The following ZNF488 variants were observed in gnomAD, a reference collection of about 807,000 sequenced individuals.
The protein encoded by ZNF488 is zinc finger protein 488.
A neutral mutation model predicts 1.2 loss-of-function variants in ZNF488; 1 was observed. That is an observed-to-expected ratio of 0.86 (90% CI 0.30 to 4.07). The LOEUF (loss-of-function observed/expected upper bound fraction) is 4.07. Ranked by LOEUF, ZNF488 falls within the 30% of genes most tolerant of loss-of-function variation. The pLI is 0.18. For missense variants in ZNF488, 450 were observed against 437.9 expected (o/e 1.03, Z -0.25); for synonymous variants, 185 against 190.1 (o/e 0.97, Z 0.22).
intron 1 of ZNF488, among the ~76,000 whole-genome samples, chr10:47,370,340 A>G (rs1164417720): frequency 2.0e-5 from 3 of 152,242 alleles, no homozygotes; most frequent in Non-Finnish European, 4.4e-5. Context: ...AGGGCGTCCA[A>G]CCTATTCCCA....
At chr10:47,381,205 C>T (rs1417468770) in intron 1 of ZNF488, among the ~76,000 whole-genome samples, 3 of 152,296 alleles carry the variant, frequency 2.0e-5, no homozygotes, top group Non-Finnish European at 4.4e-5. Context: ...GGTCAGGCAC[C>T]AGATCTTATT....
At chr10:47,381,242 TCC>T (rs1555215342) in intron 1 of ZNF488, among the ~76,000 whole-genome samples, 1 of 151,060 alleles carries the variant, frequency 6.6e-6, no homozygotes, top group Non-Finnish European at 1.5e-5. Context: ...CCCCACCCGC[TCC>T]CCCCAAGCAG....
chr10:47,365,597 A>G lies in ZNF488; in HGVS notation c.*2210T>C, dbSNP rs782552480. On this transcript the variant is annotated 3_prime_UTR_variant, in exon 2 of 2. Transcript: ENST00000585316. ...ACCAATCTCTGTTCCCAAGGAGCTG[A>G]CAGTGTGGAGGCAGCAAATCAACAA... The G allele has an allele frequency of 3.6e-5, 6 of 167,206 alleles. No individual in the cohort carries two copies. The highest frequency in any genetic ancestry group is 5.9e-5 in the Non-Finnish European group (4 of 68,172). The allele number at this position is 167,206 out of a possible 1,614,324, so 10.4% of individuals were successfully genotyped here. A position where few individuals can be genotyped will look rare whatever the true frequency, so the allele number is the denominator to read the frequency against.
Position 47,368,641 on chromosome 10 carries a change from G to A in ZNF488, c.189C>T (p.Gly63=), listed in dbSNP as rs781968462. Residue 63 remains glycine (G), a synonymous_variant, in exon 2 of 2, where the codon GGC becomes GGT. Coordinates refer to ENST00000585316, the MANE Select transcript of ZNF488 (RefSeq NM_153034.4). ...CACTGCCCACATCCCGGCCCGCCCT[G>A]CCCACAGCAGCCTCAGGGCCCAGGC... ...TNRLGPEAAV[G]RAGRDVGSAE... The A allele has an allele frequency of 1.2e-6, 2 of 1,610,926 alleles. No homozygotes were observed. The highest frequency in any genetic ancestry group is 1.7e-6 in the Non-Finnish European group (2 of 1,179,838).
At chr10:47,381,634 G>A (rs374918594) in intron 1 of ZNF488, among the ~76,000 whole-genome samples, 1 of 151,006 alleles carries the variant, frequency 6.6e-6, no homozygotes. Flanking sequence ...CTGCATTCGA[G>A]GAAAGCCAAG....
At chr10:47,378,426 G>C (rs1182388963) in intron 1 of ZNF488, among the ~76,000 whole-genome samples, 2 of 152,206 alleles carry the variant, frequency 1.3e-5, no homozygotes, top group African/African-American at 4.8e-5. Flanking sequence ...ACTGGTGAGA[G>C]GTACTGGCAG....
Position 47,368,955 on chromosome 10 carries a change from G to A in ZNF488, c.-108-18C>T, listed in dbSNP as rs924228793. The stretch of plus-strand genomic sequence containing the variant: ...ACAGGGCCCTGCAGAGAGAGGAAGC[G>A]ACAGGCAGTGAGATGGGCATTCATC... On this transcript the variant is annotated intron_variant, in intron 1 of 1. Coordinates refer to ENST00000585316, the MANE Select transcript of ZNF488 (RefSeq NM_153034.4). 1.2e-5 allele frequency: 14 copies of A among 1,140,532 alleles called. No individual in the cohort carries two copies. The highest frequency in any genetic ancestry group is 1.1e-4 in the South Asian group (7 of 65,076). 70.7% of individuals were successfully genotyped at this position (1,140,532 alleles called of 1,614,324 possible). A position where few individuals can be genotyped will look rare whatever the true frequency, so the allele number is the denominator to read the frequency against.
At chr10:47,369,330 T>C (rs1837374674) in intron 1 of ZNF488, among the ~76,000 whole-genome samples, 2 of 152,218 alleles carry the variant, frequency 1.3e-5, no homozygotes, top group Admixed American at 1.3e-4. Flanking sequence ...CAGAAGTTTC[T>C]GGGTCATCTG....
chr10:47,370,954 T>C (rs1262482724), intron 1 of ZNF488, among the ~76,000 whole-genome samples: 1 of 152,224 alleles, frequency 6.6e-6, no homozygotes, highest in Non-Finnish European at 1.5e-5. Flanking sequence ...GCGGGCCCTG[T>C]GCGAGGCGCG....
chr10:47,369,031 A>C (rs781823939), intron 1 of ZNF488, 94 bp from the exon 2 acceptor site: 57 of 606,492 alleles, frequency 9.4e-5, no homozygotes, highest in Non-Finnish European at 1.4e-4. Flanking sequence ...CCTGATGCTC[A>C]GGCCTCCTCC....
chr10:47,376,434 A>G (rs2132297746), intron 1 of ZNF488, among the ~76,000 whole-genome samples: 1 of 152,324 alleles, frequency 6.6e-6, no homozygotes, highest in Admixed American at 6.5e-5. Flanking sequence ...ACACTAAGCC[A>G]GGTCAGACCC....
chr10:47,379,801 A>G (rs1029629566), intron 1 of ZNF488, among the ~76,000 whole-genome samples: 7 of 152,270 alleles, frequency 4.6e-5, no homozygotes, highest in African/African-American at 1.7e-4. Flanking sequence ...TTCATTTCCA[A>G]CACCTCTCAG....
In ZNF488 at chr10:47,367,784, G is replaced by A. The variant is rs1302425998; in HGVS notation, c.*23C>T. ...TGCCAAAGGCTGGCTGCTGCACCCA[G>A]CAGGTCATTCTGCGGTCACCTGCTA... On this transcript the variant is annotated 3_prime_UTR_variant, in exon 2 of 2. Coordinates refer to ENST00000585316, the MANE Select transcript of ZNF488 (RefSeq NM_153034.4). 1.9e-6 allele frequency: 3 copies of A among 1,589,614 alleles called. No individual in the cohort carries two copies. In the African/African-American group the frequency reaches 4.0e-5, roughly 21 times the overall value.
chr10:47,376,829 A>G (rs1211564105), intron 1 of ZNF488, among the ~76,000 whole-genome samples: 2 of 152,232 alleles, frequency 1.3e-5, no homozygotes, highest in East Asian at 3.9e-4. Context: ...TCCAGTGGAA[A>G]TTATAACCCA....
At chr10:47,369,673 C>T (rs1466107790) in intron 1 of ZNF488, among the ~76,000 whole-genome samples, 2 of 152,128 alleles carry the variant, frequency 1.3e-5, no homozygotes, top group East Asian at 3.9e-4. Flanking sequence ...CCACTCTTCC[C>T]CCAACTCCCA....
At position 47,368,592 on chromosome 10, in the gene ZNF488, G is replaced by C; in HGVS notation, c.238C>G (p.Pro80Ala). ...GGCTTGCCAGGTCGGGGCTTGCCTG[G>C]GGCTACCAACAGTGCCAGCTCCGCA... is the stretch of plus-strand genomic sequence containing the variant. ...GSAELALLVA[P>A]GKPRPGKPLP... Residue 80 changes from proline to alanine, a missense_variant, in exon 2 of 2, where the codon CCA (proline) becomes GCA (alanine). Pro to Ala is a conservative substitution (Grantham distance 27). Coordinates refer to ENST00000585316, the MANE Select transcript of ZNF488 (RefSeq NM_153034.4). The C allele has an allele frequency of 6.2e-7, 1 of 1,610,776 alleles. No homozygotes were observed. The highest frequency in any genetic ancestry group is 8.5e-7 in the Non-Finnish European group (1 of 1,179,836).
Position 47,367,797 on chromosome 10 carries a change from C to T in ZNF488, c.*10G>A, listed in dbSNP as rs200422144. ...CTGCTGCACCCAGCAGGTCATTCTGCGGTCACCTGCTAGCTGTGAGAAGTC... is the reference window on the plus strand; with the variant it reads ...CTGCTGCACCCAGCAGGTCATTCTGTGGTCACCTGCTAGCTGTGAGAAGTC... On this transcript the variant is annotated 3_prime_UTR_variant, in exon 2 of 2. Coordinates refer to ENST00000585316, the MANE Select transcript of ZNF488 (RefSeq NM_153034.4). 31 of 1,599,222 alleles carry T rather than the reference C, an allele frequency of 1.9e-5. No homozygotes were observed. The highest frequency in any genetic ancestry group is 1.0e-4 in the Admixed American group (6 of 58,864).
Position 47,368,580 on chromosome 10 carries a change from G to A in ZNF488, c.250C>T (p.Arg84Ter), listed in dbSNP as rs544166821. 1.8e-5 allele frequency: 29 copies of A among 1,611,358 alleles called. No individual in the cohort carries two copies. The highest frequency in any genetic ancestry group is 6.6e-5 in the South Asian group (6 of 91,068). ...LALLVAPGKPRPGKPLPPKTR... is the reference protein window; with the variant it reads ...LALLVAPGKP ...TTCGGGGGCAGCGGCTTGCCAGGTCGGGGCTTGCCTGGGGCTACCAACAGT... is the reference window on the plus strand; with the variant it reads ...TTCGGGGGCAGCGGCTTGCCAGGTCAGGGCTTGCCTGGGGCTACCAACAGT... Residue 84 changes from arginine to a stop codon, truncating the protein, a stop_gained, in exon 2 of 2, where the codon CGA (arginine) becomes TGA (stop). Coordinates refer to ENST00000585316, the MANE Select transcript of ZNF488 (RefSeq NM_153034.4). LOFTEE classifies it low-confidence loss of function (END_TRUNC).
chr10:47,368,310 G>A lies in ZNF488; in HGVS notation c.520C>T (p.Pro174Ser), dbSNP rs782202261. 10 of 1,614,108 alleles carry A rather than the reference G, an allele frequency of 6.2e-6. No homozygotes were observed. The highest frequency in any genetic ancestry group is 8.5e-6 in the Non-Finnish European group (10 of 1,180,048). Residue 174 changes from proline (P) to serine (S), a missense_variant, in exon 2 of 2, where the codon CCT (proline) becomes TCT (serine). Pro to Ser is a moderately conservative substitution (Grantham distance 74). Transcript: ENST00000585316. Reference protein sequence around the residue: ...SKPTKRPAERPELTSVFPAGE... With the variant: ...SKPTKRPAERSELTSVFPAGE... ...GCAGGGAAGACTGAGGTTAGCTCAG[G>A]CCTCTCTGCTGGTCGCTTGGTTGGT...
Sources: gnomAD v4.1 joint callset for allele counts (sites outside exome capture counted in the v4.1 genomes callset) on GRCh38, gnomAD v4.1.1 for gene constraint, MANE v1.5 for transcripts, NCBI Gene and HGNC (gene_info 2026-07-23, HGNC 2026-07-21) for gene names.